The following KDSR variants were observed in gnomAD, a reference collection of about 807,000 sequenced individuals.
KDSR encodes the protein 3-ketodihydrosphingosine reductase.
Under a neutral mutation model 41.3 loss-of-function variants are expected in KDSR, and 23 were observed. The ratio of observed to expected loss-of-function variants is 0.56; its 90% CI spans 0.40 to 0.79. KDSR has a LOEUF of 0.79. Ranked by LOEUF, KDSR falls within the 30% of genes least tolerant of loss-of-function variation. The probability of loss-of-function intolerance (pLI) is 0.00; values close to 1 mark genes in which losing one functional copy is unlikely to be tolerated. For synonymous variants in KDSR, 138 were observed against 151.7 expected (o/e 0.91, Z 0.66); for missense variants, 351 against 416.8 (o/e 0.84, Z 1.37).
chr18:63,357,924 T>G (rs1914847971), intron 3 of KDSR, among the ~76,000 whole-genome samples: 1 of 152,112 alleles, frequency 6.6e-6, no homozygotes, highest in African/African-American at 2.4e-5. Flanking sequence ...ACACCTGTAA[T>G]CCCAGCACTT....
intron 2 of KDSR, among the ~76,000 whole-genome samples, chr18:63,361,355 TTTAC>T (rs1914982153): frequency 6.6e-6 from 1 of 151,826 alleles, no homozygotes; most frequent in South Asian, 2.1e-4. Context: ...TCCACTTTTA[TTTAC>T]TTGCATCAAA....
chr18:63,352,889 G>A lies in KDSR; in HGVS notation c.418-1810C>T, dbSNP rs374773353. On this transcript the variant is annotated intron_variant, in intron 5 of 9. Coordinates refer to ENST00000645214, the MANE Select transcript of KDSR (RefSeq NM_002035.4). ...TTGATAATAAAAAATGTTCTAAGCCGGGCACGGTGGCTCATGCCTGTAATC... is the reference window on the plus strand; with the variant it reads ...TTGATAATAAAAAATGTTCTAAGCCAGGCACGGTGGCTCATGCCTGTAATC... Among the ~76,000 whole-genome samples, 12 of 151,776 alleles carry A rather than the reference G, an allele frequency of 7.9e-5. 1 individual carries two copies. Among genetic ancestry groups the A allele is most frequent in the African/African-American group, 2.4e-4 (10 of 41,374 alleles).
Position 63,329,274 on chromosome 18 carries a change from T to TG in KDSR, c.*2507dup, listed in dbSNP as rs541608120. ...TCTTTGGGGTTTTAAAAAGGCAATA[T>TG]GGGCATATTTTGAATATTACAAAAC... On this transcript the variant is annotated 3_prime_UTR_variant, in exon 10 of 10. Transcript: ENST00000645214. The TG allele has an allele frequency of 9.7e-4, 202 of 209,266 alleles. 1 individual carries two copies. Among genetic ancestry groups the TG allele is most frequent in the African/African-American group, 4.4e-3 (195 of 44,110 alleles). 13.0% of individuals were successfully genotyped at this position (209,266 alleles called of 1,614,324 possible). A position where few individuals can be genotyped will look rare whatever the true frequency, so the allele number is the denominator to read the frequency against.
chr18:63,346,173 A>G (rs1805577896), intron 6 of KDSR: 1 of 152,166 alleles, frequency 6.6e-6, no homozygotes, highest in African/African-American at 2.4e-5. Flanking sequence ...GTTCCATTCC[A>G]GCACAATTAG....
At chr18:63,339,843 C>G (rs1028669665) in intron 7 of KDSR, among the ~76,000 whole-genome samples, 106 of 152,256 alleles carry the variant, frequency 7.0e-4, no homozygotes, top group African/African-American at 2.6e-3. Context: ...AAACAAAAGC[C>G]TTAAACTGCA....
intron 3 of KDSR, among the ~76,000 whole-genome samples, chr18:63,357,666 A>G (rs1427611109): frequency 6.7e-6 from 1 of 148,592 alleles, no homozygotes; most frequent in Non-Finnish European, 1.5e-5. Flanking sequence ...GCTCACCTCA[A>G]GCTTTGCCTC....
chr18:63,366,606 A>T (rs1241612411), intron 1 of KDSR: 1 of 159,490 alleles, frequency 6.3e-6, no homozygotes, highest in Non-Finnish European at 1.4e-5. Context: ...CACCCTGCAC[A>T]CCACCGACCG....
At chr18:63,332,019 A>G in intron 9 of KDSR, 118 bp from the exon 10 acceptor site, 2 of 1,072,990 alleles carry the variant, frequency 1.9e-6, no homozygotes, top group Non-Finnish European at 2.6e-6. Context: ...AAGGATGAAT[A>G]TAATGAAAAC....
intron 2 of KDSR, among the ~76,000 whole-genome samples, chr18:63,360,816 G>A (rs1010058200): frequency 6.6e-6 from 1 of 150,554 alleles, no homozygotes; most frequent in Non-Finnish European, 1.5e-5. Flanking sequence ...CCTGGGAGGC[G>A]GAGGTTGCAG....
chr18:63,338,444 T>A (rs1158343436), intron 8 of KDSR, among the ~76,000 whole-genome samples: 1 of 152,208 alleles, frequency 6.6e-6, no homozygotes, highest in African/African-American at 2.4e-5. Flanking sequence ...AAAATGATAC[T>A]GGGAAGCAGG....
Position 63,331,226 on chromosome 18 carries a change from A to T in KDSR, c.*556T>A. ...TCAGTGACATTCAGACTCACTGGCA[A>T]TGGGTCCAACTCATCTTGAATAAAA... On this transcript the variant is annotated 3_prime_UTR_variant, in exon 10 of 10. Transcript: ENST00000645214. The T allele has an allele frequency of 4.3e-6, 1 of 232,594 alleles. No homozygotes were observed. The highest frequency in any genetic ancestry group is 8.5e-6 in the Non-Finnish European group (1 of 117,742). The allele number at this position is 232,594 out of a possible 1,614,324, so 14.4% of individuals were successfully genotyped here. A position where few individuals can be genotyped will look rare whatever the true frequency, so the allele number is the denominator to read the frequency against.
intron 6 of KDSR, among the ~76,000 whole-genome samples, chr18:63,349,826 TG>T (rs1914613233): frequency 6.6e-6 from 1 of 152,268 alleles, no homozygotes. Context: ...CAGTGACAAT[TG>T]TTCATTTACA....
chr18:63,344,630 C>T, intron 6 of KDSR, 137 bp from the exon 7 acceptor site: 1 of 578,870 alleles, frequency 1.7e-6, no homozygotes, highest in East Asian at 2.9e-5. Flanking sequence ...GGGAACTACA[C>T]CAATTGCATT....
In KDSR at chr18:63,367,043, TG is replaced by T; in HGVS notation, c.75del (p.Lys26SerfsTer34). The T allele has an allele frequency of 7.6e-7, 1 of 1,323,878 alleles. No individual in the cohort carries two copies. The allele number at this position is 1,323,878 out of a possible 1,614,324, so 82.0% of individuals were successfully genotyped here. A position where few individuals can be genotyped will look rare whatever the true frequency, so the allele number is the denominator to read the frequency against. Reference protein sequence around the residue: ...LLYMVSPLISPKPLALPGAHV... With the variant: ...LLYMVSPLISXKPLALPGAHV... The stretch of plus-strand genomic sequence containing the variant: ...TGCGCCCCGGGCAGGGCGAGGGGCT[TG>T]GGGCTGATGAGCGGAGACACCATGT... On this transcript the variant is annotated frameshift_variant, in exon 1 of 10. Coordinates refer to ENST00000645214, the MANE Select transcript of KDSR (RefSeq NM_002035.4). LOFTEE classifies it high-confidence loss of function.
intron 3 of KDSR, among the ~76,000 whole-genome samples, chr18:63,356,352 T>C (rs1046564713): frequency 6.6e-6 from 1 of 151,228 alleles, no homozygotes; most frequent in Non-Finnish European, 1.5e-5. Flanking sequence ...TCAGCTGAGA[T>C]CATGCCATTG....
At chr18:63,337,092 CTTTATATATATATATATGTGAA>C (rs1240297952) in intron 8 of KDSR, among the ~76,000 whole-genome samples, 10 of 28,430 alleles carry the variant, frequency 3.5e-4, no homozygotes, top group Admixed American at 2.9e-3. Flanking sequence ...ATATATGTGA[CTTTATATATATATATATGTGAA>C]TATATATATA....
chr18:63,362,861 C>G lies in KDSR; in HGVS notation c.116G>C (p.Gly39Ala), dbSNP rs759601691. ...ALPGAHVVVT[G>A]GSSGIGKCIA... ...GCACTTCCCGATGCCACTGGAACCT[C>G]CTGTAACCTAAAACAAAATCATAAA... is the stretch of plus-strand genomic sequence containing the variant. The change falls in exon 2 of 10, where the codon GGA becomes GCA. Residue 39 changes from glycine to alanine, a missense_variant. Transcript: ENST00000645214. The G allele has an allele frequency of 6.2e-7, 1 of 1,610,712 alleles. No individual in the cohort carries two copies. The highest frequency in any genetic ancestry group is 8.5e-7 in the Non-Finnish European group (1 of 1,177,322).
In KDSR at chr18:63,328,803, A is replaced by G. The variant is rs191781131; in HGVS notation, c.*2979T>C. 1 of 185,422 alleles carries G rather than the reference A, an allele frequency of 5.4e-6. No individual in the cohort carries two copies. Among genetic ancestry groups the G allele is most frequent in the Admixed American group, 6.2e-5 (1 of 16,084 alleles). The allele number at this position is 185,422 out of a possible 1,614,324, so 11.5% of individuals were successfully genotyped here. On this transcript the variant is annotated 3_prime_UTR_variant, in exon 10 of 10. Transcript: ENST00000645214. ...TTGGGGATTTTTATGGCTCAATGTT[A>G]ATTTTTTAATATACTTGCAAATACA...
rs1914907316 is a variant in KDSR at position 63,359,671 on chromosome 18, CTG to C, written c.255+63_255+64del. The C allele has an allele frequency of 4.8e-6, 5 of 1,033,198 alleles. No homozygotes were observed. The African/African-American group carries it at 7.8e-5, about 16-fold the overall frequency. The allele number at this position is 1,033,198 out of a possible 1,614,324, so 64.0% of individuals were successfully genotyped here. ...TTAACTATTCACAGGTGAAGTAACT[CTG>C]TTTTTCCTTTATACAGCTGTGCTGA... is the stretch of plus-strand genomic sequence containing the variant. On this transcript the variant is annotated intron_variant, in intron 3 of 9. Transcript: ENST00000645214.
Sources: gnomAD v4.1 joint callset for allele counts (sites outside exome capture counted in the v4.1 genomes callset) on GRCh38, gnomAD v4.1.1 for gene constraint, MANE v1.5 for transcripts, NCBI Gene and HGNC (gene_info 2026-07-23, HGNC 2026-07-21) for gene names.